TENM3: variants seen among roughly 807,000 people sequenced by gnomAD.
The protein encoded by TENM3 is teneurin transmembrane protein 3, also known as teneurin-3.
A neutral mutation model predicts 255.1 loss-of-function variants in TENM3; 63 were observed. The ratio of observed to expected loss-of-function variants is 0.25; its 90% CI spans 0.20 to 0.30. The LOEUF is 0.30. Ranked by LOEUF, TENM3 falls within the 10% of genes least tolerant of loss-of-function variation. The probability of loss-of-function intolerance (pLI) is 1.00; values close to 1 mark genes in which losing one functional copy is unlikely to be tolerated. For missense variants in TENM3, 2,929 were observed against 3,461.1 expected, an observed-to-expected ratio of 0.85 and a Z score of 3.86; for synonymous variants, 1,306 against 1,322.3, an observed-to-expected ratio of 0.99 and a Z score of 0.27.
the TENM3 span, among the ~76,000 whole-genome samples, chr4:181,698,219 A>G: frequency 6.6e-6 from 1 of 151,970 alleles, no homozygotes; most frequent in South Asian, 2.1e-4. Flanking sequence ...GTCTCAAAAA[A>G]AAAAAAAAAA....
chr4:182,440,195 C>G (rs1284770440), intron 3 of TENM3, among the ~76,000 whole-genome samples: 1 of 149,688 alleles, frequency 6.7e-6, no homozygotes, highest in Non-Finnish European at 1.5e-5. Flanking sequence ...TCACTGCAAC[C>G]TCCGCCTCTC....
At chr4:181,642,587 G>A in the TENM3 span, among the ~76,000 whole-genome samples, 1 of 151,996 alleles carries the variant, frequency 6.6e-6, no homozygotes, top group Non-Finnish European at 1.5e-5. Context: ...TTTCTTCTAG[G>A]ATTTTTATGG....
chr4:181,449,349 G>C, the TENM3 span, among the ~76,000 whole-genome samples: 1 of 152,110 alleles, frequency 6.6e-6, no homozygotes, highest in South Asian at 2.1e-4. Context: ...GCTCCTGTCT[G>C]TCAATTTGGA....
At chr4:182,135,754 G>A in the TENM3 span, among the ~76,000 whole-genome samples, 1 of 152,194 alleles carries the variant, frequency 6.6e-6, no homozygotes, top group Non-Finnish European at 1.5e-5. Context: ...AGACAGAAAT[G>A]TGACTTGTAG....
the TENM3 span, among the ~76,000 whole-genome samples, chr4:181,471,544 T>G: frequency 1.3e-5 from 2 of 152,032 alleles, no homozygotes; most frequent in Admixed American, 6.6e-5. Flanking sequence ...AAGAAACCAA[T>G]ACAATTTTGA....
chr4:181,689,342 G>A, the TENM3 span, among the ~76,000 whole-genome samples: 1 of 152,168 alleles, frequency 6.6e-6, no homozygotes, highest in Non-Finnish European at 1.5e-5. Flanking sequence ...CTTTCTGTTT[G>A]TTGTTTGAAA....
the TENM3 span, among the ~76,000 whole-genome samples, chr4:181,804,477 G>T: frequency 6.6e-6 from 1 of 152,126 alleles, no homozygotes; most frequent in African/African-American, 2.4e-5. Flanking sequence ...GAGATACACA[G>T]ATCATTAAAG....
the TENM3 span, among the ~76,000 whole-genome samples, chr4:181,506,350 TG>T: frequency 1.3e-5 from 2 of 151,778 alleles, no homozygotes; most frequent in African/African-American, 4.8e-5. Flanking sequence ...GTGACATGCA[TG>T]GTGAGGCACT....
At chr4:181,876,461 C>T in the TENM3 span, among the ~76,000 whole-genome samples, 2 of 152,094 alleles carry the variant, frequency 1.3e-5, no homozygotes, top group Admixed American at 1.3e-4. Flanking sequence ...AGCTTGGGTG[C>T]TGTAATACGT....
chr4:181,508,755 A>G, the TENM3 span, among the ~76,000 whole-genome samples: 244 of 152,122 alleles, frequency 1.6e-3, 1 homozygote, highest in African/African-American at 5.3e-3. Context: ...AGCTTGGTCT[A>G]TTTTCATGTC....
At chr4:181,732,318 G>A in the TENM3 span, among the ~76,000 whole-genome samples, 1 of 152,142 alleles carries the variant, frequency 6.6e-6, no homozygotes, top group Admixed American at 6.6e-5. Context: ...CACCAAAACA[G>A]TTTCACCCAC....
intron 22 of TENM3, 134 bp downstream of exon 22, chr4:182,755,393 C>T (rs1397895382): frequency 5.5e-6 from 5 of 906,738 alleles, no homozygotes; most frequent in Non-Finnish European, 8.0e-6. Context: ...TTTTTGGATC[C>T]CGGCTGGGCA....
At chr4:181,822,365 G>A in the TENM3 span, among the ~76,000 whole-genome samples, 37 of 152,256 alleles carry the variant, frequency 2.4e-4, no homozygotes, top group African/African-American at 8.9e-4. Flanking sequence ...TAATTGATTG[G>A]AGTTTTTGGT....
the TENM3 span, among the ~76,000 whole-genome samples, chr4:181,453,546 T>G: frequency 7.0e-6 from 1 of 141,880 alleles, no homozygotes; most frequent in South Asian, 2.4e-4. Flanking sequence ...CGAAGAGTCA[T>G]GTAAAAGTTG....
chr4:182,647,208 A>C (rs556961831), intron 5 of TENM3, among the ~76,000 whole-genome samples: 1 of 152,356 alleles, frequency 6.6e-6, no homozygotes, highest in African/African-American at 2.4e-5. Context: ...GACAAGTTAT[A>C]ATAGTTTTTG....
chr4:182,047,291 C>T, the TENM3 span, among the ~76,000 whole-genome samples: 1 of 152,060 alleles, frequency 6.6e-6, no homozygotes, highest in East Asian at 1.9e-4. Context: ...AGGCTGGACG[C>T]AGTGGCTCAT....
chr4:182,574,224 G>A (rs1452564113), intron 3 of TENM3, among the ~76,000 whole-genome samples: 1 of 151,890 alleles, frequency 6.6e-6, no homozygotes, highest in Non-Finnish European at 1.5e-5. Flanking sequence ...AAAATGACTT[G>A]TCATGTCAAA....
chr4:182,119,392 T>C, the TENM3 span, among the ~76,000 whole-genome samples: 1 of 152,156 alleles, frequency 6.6e-6, no homozygotes, highest in Non-Finnish European at 1.5e-5. Flanking sequence ...GGAGTTTTTA[T>C]CTCTCAGACT....
the TENM3 span, among the ~76,000 whole-genome samples, chr4:182,069,786 G>A: frequency 3.3e-5 from 5 of 151,990 alleles, no homozygotes; most frequent in African/African-American, 1.2e-4. Context: ...CAGAAATCTT[G>A]ACAGGGCTTC....
Sources: gnomAD v4.1 joint callset for allele counts (sites outside exome capture counted in the v4.1 genomes callset) on GRCh38, gnomAD v4.1.1 for gene constraint, MANE v1.5 for transcripts, NCBI Gene and HGNC (gene_info 2026-07-23, HGNC 2026-07-21) for gene names.